Variants in KIAA0319L observed in about 807,000 individuals in gnomAD.
KIAA0319L encodes dyslexia-associated protein KIAA0319-like protein.
In KIAA0319L, 55 loss-of-function variants were observed where a neutral mutation model predicts 120.1. The observed-to-expected ratio is 0.46, with a 90% CI of 0.37 to 0.57. The LOEUF (loss-of-function observed/expected upper bound fraction) is 0.57. KIAA0319L is among the 20% of genes least tolerant of loss of function. KIAA0319L has a pLI of 0.00. For missense variants in KIAA0319L, 1,049 were observed against 1,255.3 expected, an observed-to-expected ratio of 0.84 and a Z score of 2.48; for synonymous variants, 398 against 471.9, an observed-to-expected ratio of 0.84 and a Z score of 2.03.
intron 2 of KIAA0319L, chr1:35,533,389 C>CAAAAAAAAAAAAA (rs1558621462): frequency 6.7e-6 from 1 of 149,554 alleles, no homozygotes; most frequent in Non-Finnish European, 1.5e-5. Flanking sequence ...AGTATTATTT[C>CAAAAAAAAAAAAA]AAAAAAGAAA....
chr1:35,473,671 G>T (rs57798503), intron 5 of KIAA0319L, among the ~76,000 whole-genome samples: 10,892 of 152,206 alleles, frequency 0.072, 459 homozygotes, highest in African/African-American at 0.1. Flanking sequence ...AGGAAACCTC[G>T]ATTTGAGAGC....
At chr1:35,527,208 T>C (rs542042213) in intron 2 of KIAA0319L, among the ~76,000 whole-genome samples, 2 of 152,306 alleles carry the variant, frequency 1.3e-5, no homozygotes, top group South Asian at 2.1e-4. Flanking sequence ...TTTGCATTTG[T>C]TGAACCATCC....
intron 6 of KIAA0319L, among the ~76,000 whole-genome samples, chr1:35,468,692 C>T (rs912070548): frequency 6.0e-5 from 9 of 149,742 alleles, no homozygotes; most frequent in Non-Finnish European, 3.0e-5. Context: ...CCAACCAGTT[C>T]ATCAATCATC....
In KIAA0319L at chr1:35,454,273, C is replaced by A; in HGVS notation, c.1780+89G>T. The A allele has an allele frequency of 2.1e-6, 3 of 1,422,930 alleles. No homozygotes were observed. In the South Asian group the frequency reaches 3.6e-5, roughly 17 times the overall value. 88.1% of individuals were successfully genotyped at this position (1,422,930 alleles called of 1,614,324 possible). A position where few individuals can be genotyped will look rare whatever the true frequency, so the allele number is the denominator to read the frequency against. ...TGGATCGGTGCCTTCTGCTTCTACC[C>A]TCATACAGCTCAGAACCCAACACTC... On this transcript the variant is annotated intron_variant, in intron 11 of 20. Transcript: ENST00000325722.
chr1:35,488,645 A>G (rs1644475584), intron 3 of KIAA0319L, among the ~76,000 whole-genome samples: 1 of 152,240 alleles, frequency 6.6e-6, no homozygotes, highest in Admixed American at 6.5e-5. Context: ...TAGGAATACA[A>G]AGGCTGTAAG....
chr1:35,543,653 G>A (rs574964488), intron 2 of KIAA0319L, among the ~76,000 whole-genome samples: 1 of 152,320 alleles, frequency 6.6e-6, no homozygotes, highest in African/African-American at 2.4e-5. Context: ...TGAGGGCAAG[G>A]CCTACAGGTA....
In KIAA0319L at chr1:35,527,391, C is replaced by T. The variant is rs1015537685; in HGVS notation, c.143-20256G>A. 2.6e-5 allele frequency among the ~76,000 whole-genome samples: 4 copies of T among 152,026 alleles called. No homozygotes were observed. In the East Asian group the frequency reaches 7.7e-4, roughly 29 times the overall value. Reference sequence around the variant, plus strand: ...GCCTAGTTTTGGTATCAGGGTAATGCTGGCTTCATAGAATTATGAAGAATT... The same window carrying T: ...GCCTAGTTTTGGTATCAGGGTAATGTTGGCTTCATAGAATTATGAAGAATT... On this transcript the variant is annotated intron_variant, in intron 2 of 20. Transcript: ENST00000325722.
At chr1:35,496,263 T>C (rs1644803093) in intron 3 of KIAA0319L, among the ~76,000 whole-genome samples, 1 of 151,202 alleles carries the variant, frequency 6.6e-6, no homozygotes, top group Non-Finnish European at 1.5e-5. Context: ...CTACTAAAAA[T>C]ACAAAAATTA....
At chr1:35,527,219 T>C (rs945738955) in intron 2 of KIAA0319L, among the ~76,000 whole-genome samples, 1 of 152,176 alleles carries the variant, frequency 6.6e-6, no homozygotes, top group Non-Finnish European at 1.5e-5. Flanking sequence ...TGAACCATCC[T>C]TGCATCCCTG....
upstream of KIAA0319L, chr1:35,557,482 G>A (rs1051311363): frequency 2.8e-6 from 1 of 353,990 alleles, no homozygotes; most frequent in South Asian, 2.0e-5. Context: ...CCCTCCCCCG[G>A]GAAGGGCAAT....
At chr1:35,529,198 C>G (rs1035999094) in intron 2 of KIAA0319L, among the ~76,000 whole-genome samples, 1 of 152,216 alleles carries the variant, frequency 6.6e-6, no homozygotes, top group African/African-American at 2.4e-5. Context: ...GTCCACATGA[C>G]TGGACCAGTC....
At chr1:35,527,766 C>T (rs1646206451) in intron 2 of KIAA0319L, among the ~76,000 whole-genome samples, 1 of 151,602 alleles carries the variant, frequency 6.6e-6, no homozygotes, top group Non-Finnish European at 1.5e-5. Context: ...GCTTTTGGCT[C>T]TTCTTTTTTT....
At chr1:35,537,733 A>G (rs1412478179) in intron 2 of KIAA0319L, among the ~76,000 whole-genome samples, 1 of 152,164 alleles carries the variant, frequency 6.6e-6, no homozygotes, top group Non-Finnish European at 1.5e-5. Context: ...AGCAAATAAA[A>G]TGCAGAGCTA....
At chr1:35,443,596 C>T (rs994017188) in intron 17 of KIAA0319L, among the ~76,000 whole-genome samples, 2 of 151,670 alleles carry the variant, frequency 1.3e-5, no homozygotes, top group Non-Finnish European at 2.9e-5. Context: ...CACTTGAACC[C>T]GGGGGGGCGG....
chr1:35,525,772 C>T (rs1646102198), intron 2 of KIAA0319L, among the ~76,000 whole-genome samples: 1 of 152,140 alleles, frequency 6.6e-6, no homozygotes, highest in Non-Finnish European at 1.5e-5. Flanking sequence ...CAAATATTTT[C>T]TCCCATTCAA....
chr1:35,450,275 C>G, intron 14 of KIAA0319L, 83 bp downstream of exon 14: 2 of 1,398,650 alleles, frequency 1.4e-6, no homozygotes, highest in Non-Finnish European at 2.0e-6. Context: ...TATAAGGGAC[C>G]ACTTGATTAA....
At chr1:35,442,408 T>C (rs878942818) in intron 18 of KIAA0319L, 72 bp from the exon 19 acceptor site, 1 of 1,195,150 alleles carries the variant, frequency 8.4e-7, no homozygotes, top group Non-Finnish European at 1.3e-6. Context: ...TGCTCCCAGC[T>C]TGGGCAGGTG....
intron 2 of KIAA0319L, among the ~76,000 whole-genome samples, chr1:35,527,380 T>G (rs1049080842): frequency 2.0e-5 from 3 of 152,154 alleles, no homozygotes; most frequent in Non-Finnish European, 2.9e-5. Context: ...AGTTTTGGTA[T>G]CAGGGTAATG....
intron 17 of KIAA0319L, 40 bp downstream of exon 17, chr1:35,444,121 C>A: frequency 6.5e-7 from 1 of 1,538,306 alleles, no homozygotes; most frequent in South Asian, 1.2e-5. Flanking sequence ...GCTGCAGGCA[C>A]TAGGTAGGCT....
Sources: allele counts gnomAD v4.1 joint callset (sites outside exome capture counted in the v4.1 genomes callset), GRCh38; gene constraint gnomAD v4.1.1; transcripts MANE v1.5; gene names NCBI Gene and HGNC (gene_info 2026-07-23, HGNC 2026-07-21).